SGCZ: variants seen among roughly 807,000 people sequenced by gnomAD.
SGCZ encodes the protein sarcoglycan zeta, also known as zeta-sarcoglycan.
SGCZ carries 40 observed loss-of-function variants against 41.3 expected under a neutral mutation model. That is an observed-to-expected ratio of 0.97 (90% CI 0.75 to 1.26). The LOEUF (loss-of-function observed/expected upper bound fraction) is 1.26, where lower values mean the gene tolerates loss of function less well. Ranked by LOEUF, SGCZ falls within the 50% of genes most tolerant of loss-of-function variation. The probability of loss-of-function intolerance (pLI) is 0.00; values close to 1 mark genes in which losing one functional copy is unlikely to be tolerated. For synonymous variants in SGCZ, 206 were observed against 137.5 expected, an observed-to-expected ratio of 1.50 and a Z score of -3.49; for missense variants, 552 against 369.8, an observed-to-expected ratio of 1.49 and a Z score of -4.04.
At chr8:14,896,973 TG>T (rs1805224391) in intron 1 of SGCZ, among the ~76,000 whole-genome samples, 1 of 149,820 alleles carries the variant, frequency 6.7e-6, no homozygotes, top group South Asian at 2.1e-4. Flanking sequence ...TTAGTAGAGA[TG>T]GGCTTCACCA....
At chr8:14,248,016 G>A (rs1367384532) in intron 3 of SGCZ, among the ~76,000 whole-genome samples, 2 of 152,120 alleles carry the variant, frequency 1.3e-5, no homozygotes, top group African/African-American at 2.4e-5. Context: ...TTCCACCAAT[G>A]GATGAATGGT....
chr8:14,805,781 T>C (rs1377652602), intron 1 of SGCZ, among the ~76,000 whole-genome samples: 1 of 151,922 alleles, frequency 6.6e-6, no homozygotes, highest in African/African-American at 2.4e-5. Context: ...ATATACATTT[T>C]TTTCAGCACC....
chr8:14,402,385 A>G lies in SGCZ; in HGVS notation c.235-78181T>C, dbSNP rs1245896813. Among the ~76,000 whole-genome samples, 3 of 151,826 alleles carry G rather than the reference A, an allele frequency of 2.0e-5. No individual in the cohort carries two copies. The East Asian group carries it at 5.8e-4, about 29-fold the overall frequency. On this transcript the variant is annotated intron_variant, in intron 2 of 7. Coordinates refer to ENST00000382080, the MANE Select transcript of SGCZ (RefSeq NM_139167.4). ...GCCCATGCCTATGTCCTGAATGGTA[A>G]TGCCTAGGTTTTCTTCTAGGATTTT... is the stretch of plus-strand genomic sequence containing the variant.
chr8:14,581,376 G>C (rs1055237469), intron 1 of SGCZ, among the ~76,000 whole-genome samples: 2 of 151,984 alleles, frequency 1.3e-5, no homozygotes, highest in African/African-American at 4.8e-5. Flanking sequence ...CAAAATGCTG[G>C]GAATACAGGC....
intron 1 of SGCZ, among the ~76,000 whole-genome samples, chr8:14,602,874 A>C (rs553113163): frequency 2.0e-5 from 3 of 152,266 alleles, no homozygotes; most frequent in South Asian, 2.1e-4. Context: ...TTAGGGAATC[A>C]GAGTGTAAAG....
At chr8:15,133,311 G>A (rs1175644584) in intron 1 of SGCZ, among the ~76,000 whole-genome samples, 1 of 151,952 alleles carries the variant, frequency 6.6e-6, no homozygotes, top group South Asian at 2.1e-4. Context: ...ACAAGTATTA[G>A]CCACTTTGTA....
chr8:14,415,983 A>C (rs1340878867), intron 2 of SGCZ, among the ~76,000 whole-genome samples: 2 of 151,960 alleles, frequency 1.3e-5, no homozygotes, highest in African/African-American at 4.8e-5. Context: ...TATTTATTGT[A>C]TGGTTTCCAA....
intron 4 of SGCZ, among the ~76,000 whole-genome samples, chr8:14,166,549 A>G (rs909517180): frequency 3.3e-5 from 5 of 152,174 alleles, no homozygotes; most frequent in African/African-American, 1.2e-4. Flanking sequence ...TCTTACACAT[A>G]AAACCTCAAT....
chr8:14,508,711 A>T (rs766315076), intron 2 of SGCZ, among the ~76,000 whole-genome samples: 1 of 152,200 alleles, frequency 6.6e-6, no homozygotes, highest in Non-Finnish European at 1.5e-5. Flanking sequence ...TTACACTGGA[A>T]CAGTAGCAAC....
chr8:15,030,046 T>A (rs533644727), intron 1 of SGCZ, among the ~76,000 whole-genome samples: 2 of 152,294 alleles, frequency 1.3e-5, no homozygotes, highest in Admixed American at 6.5e-5. Flanking sequence ...AAAGCTGTTG[T>A]CAGAAAGCTA....
intron 2 of SGCZ, among the ~76,000 whole-genome samples, chr8:14,347,162 C>T (rs1284012558): frequency 6.6e-6 from 1 of 151,998 alleles, no homozygotes; most frequent in Non-Finnish European, 1.5e-5. Context: ...ATGAGAAAAA[C>T]TACTCATTTT....
intron 2 of SGCZ, among the ~76,000 whole-genome samples, chr8:14,498,553 C>T (rs1293315579): frequency 6.6e-6 from 1 of 151,948 alleles, no homozygotes; most frequent in East Asian, 1.9e-4. Flanking sequence ...TAGATATTTA[C>T]CTTTCTGTTC....
intron 3 of SGCZ, among the ~76,000 whole-genome samples, chr8:14,255,591 T>G (rs1384874022): frequency 1.3e-5 from 2 of 152,010 alleles, no homozygotes; most frequent in Non-Finnish European, 2.9e-5. Flanking sequence ...TTAAAGATAA[T>G]TACAATTAAA....
chr8:15,195,645 T>A (rs1800699111), intron 1 of SGCZ, among the ~76,000 whole-genome samples: 1 of 152,170 alleles, frequency 6.6e-6, no homozygotes, highest in African/African-American at 2.4e-5. Context: ...AGTGAAATAC[T>A]TCTATAAGGC....
At chr8:14,308,744 G>C (rs1024564576) in intron 3 of SGCZ, among the ~76,000 whole-genome samples, 3 of 151,794 alleles carry the variant, frequency 2.0e-5, no homozygotes, top group Non-Finnish European at 2.9e-5. Context: ...TTTGTGCCGC[G>C]GTACCATGCC....
At chr8:14,751,447 T>C (rs1799495172) in intron 1 of SGCZ, among the ~76,000 whole-genome samples, 1 of 152,112 alleles carries the variant, frequency 6.6e-6, no homozygotes, top group Admixed American at 6.5e-5. Context: ...GACAGTTACT[T>C]AATAGATACT....
chr8:14,399,066 T>G (rs142625587), intron 2 of SGCZ, among the ~76,000 whole-genome samples: 7 of 152,242 alleles, frequency 4.6e-5, no homozygotes, highest in Non-Finnish European at 8.8e-5. Flanking sequence ...GCCTGTTAAG[T>G]TCAGAAACCA....
At chr8:14,620,069 A>G (rs1264107460) in intron 1 of SGCZ, among the ~76,000 whole-genome samples, 1 of 152,204 alleles carries the variant, frequency 6.6e-6, no homozygotes, top group African/African-American at 2.4e-5. Context: ...CCAAAACAGC[A>G]TGGTACTGGT....
In SGCZ at chr8:14,390,087, A is replaced by G. The variant is rs529107176; in HGVS notation, c.235-65883T>C. On this transcript the variant is annotated intron_variant, in intron 2 of 7. Transcript: ENST00000382080. ...AAATAACTTTGATGATAAATAGACTATGAATTTTATTGCCATTAAATAAAA... is the reference window on the plus strand; with the variant it reads ...AAATAACTTTGATGATAAATAGACTGTGAATTTTATTGCCATTAAATAAAA... Among the ~76,000 whole-genome samples the G allele has an allele frequency of 4.1e-4, 62 of 152,114 alleles. No individual in the cohort carries two copies. The South Asian group carries it at 0.012, about 29-fold the overall frequency.
Sources: gnomAD v4.1 joint callset for allele counts (sites outside exome capture counted in the v4.1 genomes callset) on GRCh38, gnomAD v4.1.1 for gene constraint, MANE v1.5 for transcripts, NCBI Gene and HGNC (gene_info 2026-07-23, HGNC 2026-07-21) for gene names.